DCT: variants seen among roughly 807,000 people sequenced by gnomAD.
DCT encodes the protein L-dopachrome tautomerase.
A neutral mutation model predicts 53.0 loss-of-function variants in DCT; 47 were observed. The ratio of observed to expected loss-of-function variants is 0.89; its 90% CI spans 0.70 to 1.13. The LOEUF (loss-of-function observed/expected upper bound fraction) is 1.13, where lower values mean the gene tolerates loss of function less well. Among genes scored for constraint, DCT ranks in the 50% most tolerant of loss-of-function variants. The pLI, the probability that DCT is intolerant of heterozygous loss-of-function variation, is 0.00. For synonymous variants in DCT, 244 were observed against 237.0 expected, an observed-to-expected ratio of 1.03 and a Z score of -0.27; for missense variants, 669 against 637.4, an observed-to-expected ratio of 1.05 and a Z score of -0.53.
At chr13:94,469,114 T>C (rs984921781) in intron 1 of DCT, 69 bp from the exon 2 acceptor site, 9 of 1,325,898 alleles carry the variant, frequency 6.8e-6, no homozygotes, top group African/African-American at 2.9e-5. Context: ...TCTGAATTTG[T>C]ACTCTGAAAT....
upstream of DCT, among the ~76,000 whole-genome samples, chr13:94,482,256 T>G (rs1260307589): frequency 6.6e-6 from 1 of 152,232 alleles, no homozygotes; most frequent in African/African-American, 2.4e-5. Flanking sequence ...ATGGATAGTT[T>G]GAGAACTAGC....
chr13:94,459,988 G>A, intron 6 of DCT, 103 bp downstream of exon 6: 1 of 1,230,490 alleles, frequency 8.1e-7, no homozygotes, highest in South Asian at 1.3e-5. Flanking sequence ...ACATCACATT[G>A]TTCACACAGA....
upstream of DCT, among the ~76,000 whole-genome samples, chr13:94,480,785 G>A (rs879566195): frequency 1.4e-4 from 21 of 152,320 alleles, no homozygotes; most frequent in African/African-American, 4.8e-4. Context: ...AGCCAGAGTT[G>A]AGAATCACTG....
Position 94,466,676 on chromosome 13 carries a change from C to T in DCT, c.596-18G>A. 1.3e-6 allele frequency: 2 copies of T among 1,519,244 alleles called. No individual in the cohort carries two copies. The highest frequency in any genetic ancestry group is 1.8e-6 in the Non-Finnish European group (2 of 1,108,110). 94.1% of individuals were successfully genotyped at this position (1,519,244 alleles called of 1,614,324 possible). On this transcript the variant is annotated intron_variant, in intron 2 of 7. Transcript: ENST00000377028. ...TCCTGGTCCTGAAACAATTGGGAAA[C>T]ATATTAGAGATGACAGAATAGAATT...
chr13:94,440,727 C>G (rs1882241191), intron 7 of DCT, among the ~76,000 whole-genome samples: 1 of 128,726 alleles, frequency 7.8e-6, no homozygotes, highest in Admixed American at 9.0e-5. Flanking sequence ...GTCGCCCAGG[C>G]TGGAGTACAG....
intron 4 of DCT, 117 bp downstream of exon 4, chr13:94,465,516 C>T (rs1433408370): frequency 2.3e-6 from 2 of 862,570 alleles, no homozygotes; most frequent in Non-Finnish European, 3.3e-6. Context: ...TTTTTAGAAA[C>T]ATGTAAATAG....
intron 2 of DCT, 119 bp downstream of exon 2, chr13:94,468,627 C>A: frequency 1.1e-6 from 1 of 905,560 alleles, no homozygotes; most frequent in South Asian, 1.6e-5. Flanking sequence ...TTTCATAAAC[C>A]TAAGGCTGCC....
intron 6 of DCT, among the ~76,000 whole-genome samples, chr13:94,448,622 G>T (rs979584502): frequency 1.3e-5 from 2 of 152,186 alleles, no homozygotes; most frequent in African/African-American, 2.4e-5. Flanking sequence ...GTATCATTGG[G>T]CTGGGCATGG....
the DCT span, among the ~76,000 whole-genome samples, chr13:94,507,657 T>A: frequency 1.3e-5 from 2 of 152,042 alleles, no homozygotes; most frequent in Admixed American, 6.6e-5. Flanking sequence ...CCCACCACCA[T>A]GCCCGGCTAA....
chr13:94,444,375 T>G, intron 6 of DCT: 1 of 516,986 alleles, frequency 1.9e-6, no homozygotes, highest in South Asian at 1.4e-5. Flanking sequence ...GGAATACTCT[T>G]CTGTCTACTC....
chr13:94,458,854 G>A (rs111777598), intron 6 of DCT, among the ~76,000 whole-genome samples: 2,971 of 152,044 alleles, frequency 0.02, 113 homozygotes, highest in African/African-American at 0.067. Context: ...GTAAAATTTA[G>A]AATCCTATTG....
At chr13:94,452,859 G>A (rs1351327361) in intron 6 of DCT, among the ~76,000 whole-genome samples, 2 of 152,020 alleles carry the variant, frequency 1.3e-5, no homozygotes, top group Non-Finnish European at 2.9e-5. Context: ...TCTATAATAT[G>A]CTACCATGTA....
In DCT at chr13:94,438,585, A is replaced by G. The variant is rs1213727276; in HGVS notation, c.*1313T>C. ...CCTCGACAGACAAGCCACGCCCTAG[A>G]ACTTCAGTCTCACTCCTGATGCACA... On this transcript the variant is annotated 3_prime_UTR_variant, in exon 8 of 8. Coordinates refer to ENST00000377028, the MANE Select transcript of DCT (RefSeq NM_001922.5). The G allele has an allele frequency of 4.4e-6, 2 of 455,956 alleles. No homozygotes were observed. The highest frequency in any genetic ancestry group is 3.1e-5 in the South Asian group (2 of 64,532). 28.2% of individuals were successfully genotyped at this position (455,956 alleles called of 1,614,324 possible).
chr13:94,546,353 G>A, the DCT span, among the ~76,000 whole-genome samples: 3 of 152,066 alleles, frequency 2.0e-5, no homozygotes, highest in South Asian at 2.1e-4. This position sits in a 1 kb window ranked among gnomAD's most constrained non-coding sequence, Gnocchi z 4.2. Context: ...GTTCCTCTCC[G>A]TTAATCCCTC....
chr13:94,509,493 C>T, the DCT span, among the ~76,000 whole-genome samples: 1 of 151,516 alleles, frequency 6.6e-6, no homozygotes, highest in African/African-American at 2.4e-5. Flanking sequence ...GAAGTAAAGC[C>T]AGTGTGTGAT....
upstream of DCT, among the ~76,000 whole-genome samples, chr13:94,480,431 A>G (rs563501547): frequency 6.6e-6 from 1 of 152,354 alleles, no homozygotes; most frequent in East Asian, 1.9e-4. Flanking sequence ...CAGTGGAAAC[A>G]GGACTGTCTT....
chr13:94,524,664 G>A, the DCT span, among the ~76,000 whole-genome samples: 4 of 152,256 alleles, frequency 2.6e-5, no homozygotes, highest in Admixed American at 2.0e-4. Flanking sequence ...AATTAAAAGC[G>A]TCTTTTCTTG....
At chr13:94,477,660 T>TA (rs35869304) in intron 1 of DCT, among the ~76,000 whole-genome samples, 66,066 of 150,756 alleles carry the variant, frequency 0.44, 15,008 homozygotes, top group African/African-American at 0.57. Flanking sequence ...AAGTTAAAAT[T>TA]AAAAAAAAAA....
intron 1 of DCT, among the ~76,000 whole-genome samples, chr13:94,477,685 C>G (rs1198505325): frequency 6.6e-6 from 1 of 152,052 alleles, no homozygotes; most frequent in Non-Finnish European, 1.5e-5. Flanking sequence ...AATGTCATTC[C>G]TACACCAACA....
Sources: gnomAD v4.1 joint callset for allele counts (sites outside exome capture counted in the v4.1 genomes callset) on GRCh38, gnomAD v4.1.1 for gene constraint, Gnocchi (gnomAD v3.1) non-coding constraint, MANE v1.5 for transcripts, NCBI Gene and HGNC (gene_info 2026-07-23, HGNC 2026-07-21) for gene names.